MLLT10: variants seen among roughly 807,000 people sequenced by gnomAD.
MLLT10 encodes protein AF-10.
A neutral mutation model predicts 129.1 loss-of-function variants in MLLT10; 30 were observed. That is an observed-to-expected ratio of 0.23 (90% CI 0.17 to 0.32). The LOEUF (loss-of-function observed/expected upper bound fraction) is 0.32. Among genes scored for constraint, MLLT10 ranks in the 10% least tolerant of loss-of-function variants. The probability of loss-of-function intolerance (pLI) is 1.00; values close to 1 mark genes in which losing one functional copy is unlikely to be tolerated. For missense variants in MLLT10, 1,119 were observed against 1,268.3 expected (o/e 0.88, Z 1.79); for synonymous variants, 490 against 446.4 (o/e 1.10, Z -1.23).
rs545186217 is a variant in MLLT10, at chr10:21,594,607, GA to G, written c.296-721del. ...CTTCATCCTCACCACCGCTTTCTCTGAAATAGGCAAATGTTCCCTGGGCAAA... is the reference window on the plus strand; with the variant it reads ...CTTCATCCTCACCACCGCTTTCTCTGAATAGGCAAATGTTCCCTGGGCAAA... On this transcript the variant is annotated intron_variant, in intron 4 of 22. Transcript: ENST00000307729. 7.0e-5 allele frequency among the ~76,000 whole-genome samples: 9 copies of G among 129,358 alleles called. No individual in the cohort carries two copies. In the South Asian group the frequency reaches 1.5e-3, roughly 22 times the overall value. The allele number at this position is 129,358 out of a possible 152,430, so 84.9% of individuals were successfully genotyped here.
At chr10:21,572,872 A>G (rs1016123786) in intron 3 of MLLT10, among the ~76,000 whole-genome samples, 15 of 152,126 alleles carry the variant, frequency 9.9e-5, no homozygotes, top group Non-Finnish European at 1.8e-4. Context: ...CGGCCTTCCA[A>G]AGTGCTGGGA....
At chr10:21,538,443 G>A (rs1040553897) in intron 2 of MLLT10, among the ~76,000 whole-genome samples, 1 of 151,894 alleles carries the variant, frequency 6.6e-6, no homozygotes, top group Non-Finnish European at 1.5e-5. Flanking sequence ...GATTATAGGT[G>A]TGAGCCACTG....
chr10:21,713,866 G>T lies in MLLT10; in HGVS notation c.1794G>T (p.Gln598His), dbSNP rs1265066289. ...CTGTCTCCAGCTCTCACTTACCTCA[G>T]CAGTCTTCTGGGCATTTGCAACAAG... Reference protein sequence around the residue: ...STPVSSSHLPQQSSGHLQQVG... With the variant: ...STPVSSSHLPHQSSGHLQQVG... Residue 598 changes from glutamine (Q) to histidine (H), a missense_variant, in exon 14 of 23, where the codon CAG (glutamine) becomes CAT (histidine). Physicochemically the swap from Gln to His is conservative, Grantham distance 24 (BLOSUM62 0). This residue lies in a region of MLLT10 where 1,004 missense variants were observed against 1,008.7 expected (regional missense o/e 1.00). Coordinates refer to ENST00000307729, the MANE Select transcript of MLLT10 (RefSeq NM_001195626.3). The T allele has an allele frequency of 6.2e-7, 1 of 1,614,010 alleles. No individual in the cohort carries two copies. The highest frequency in any genetic ancestry group is 1.1e-5 in the South Asian group (1 of 91,064).
chr10:21,559,950 T>G (rs1044609776), intron 3 of MLLT10, among the ~76,000 whole-genome samples: 2 of 152,248 alleles, frequency 1.3e-5, no homozygotes, highest in East Asian at 1.9e-4. Context: ...CTTTTTTTTT[T>G]GGGTCGGGTG....
In MLLT10 at chr10:21,634,814, C is replaced by T. The variant is rs565000109; in HGVS notation, c.700-16859C>T. ...GTGTTACGTAATTCCTGTTATTATT[C>T]ATCTTAATGCTCAGATTGTCCCACA... is the stretch of plus-strand genomic sequence containing the variant. On this transcript the variant is annotated intron_variant, in intron 8 of 22. Transcript: ENST00000307729. Among the ~76,000 whole-genome samples, 9 of 152,312 alleles carry T rather than the reference C, an allele frequency of 5.9e-5. No homozygotes were observed. In the Middle Eastern group the frequency reaches 0.01, roughly 173 times the overall value.
At chr10:21,553,172 A>G (rs2037359383) in intron 3 of MLLT10, among the ~76,000 whole-genome samples, 2 of 152,148 alleles carry the variant, frequency 1.3e-5, no homozygotes, top group Non-Finnish European at 2.9e-5. Flanking sequence ...AGGGTTTTGC[A>G]TGGTTGATAA....
intron 11 of MLLT10, among the ~76,000 whole-genome samples, chr10:21,677,891 G>A (rs900142503): frequency 1.3e-5 from 2 of 152,200 alleles, no homozygotes; most frequent in African/African-American, 4.8e-5. Context: ...GCTAGGGGCT[G>A]TTTCTGACAT....
chr10:21,540,845 T>C (rs961181653), intron 3 of MLLT10, among the ~76,000 whole-genome samples: 1 of 152,200 alleles, frequency 6.6e-6, no homozygotes, highest in Non-Finnish European at 1.5e-5. Context: ...CTTTTGTGTT[T>C]GCCTGGGCAA....
At chr10:21,665,293 GT>G (rs1419621396) in intron 9 of MLLT10, among the ~76,000 whole-genome samples, 40 of 65,448 alleles carry the variant, frequency 6.1e-4, no homozygotes, top group African/African-American at 2.3e-3. Context: ...TTGTTTGTTT[GT>G]TTTTTTTGGG....
intron 8 of MLLT10, chr10:21,624,828 C>A: frequency 9.3e-7 from 1 of 1,072,404 alleles, no homozygotes; most frequent in Non-Finnish European, 1.4e-6. Flanking sequence ...ACCACGGCCA[C>A]GGCCTCTCTG....
intron 8 of MLLT10, among the ~76,000 whole-genome samples, chr10:21,618,786 G>T (rs1463569411): frequency 6.6e-6 from 1 of 151,904 alleles, no homozygotes; most frequent in African/African-American, 2.4e-5. Context: ...AGGCTAGAGT[G>T]CAGTGGCGTG....
intron 9 of MLLT10, among the ~76,000 whole-genome samples, chr10:21,653,716 G>C: frequency 6.6e-6 from 1 of 152,220 alleles, no homozygotes; most frequent in African/African-American, 2.4e-5. Flanking sequence ...GCCTACCACA[G>C]ATACGTTGGC....
In MLLT10 at chr10:21,730,925, C is replaced by G. The variant is rs201389659; in HGVS notation, c.2089C>G (p.Arg697Gly). Residue 697 changes from arginine (R) to glycine (G), a missense_variant, in exon 17 of 23, where the codon CGC becomes GGC. Physicochemically the swap from Arg to Gly is moderately radical, Grantham distance 125. Around this residue, in one of 5 missense-constraint regions of MLLT10, gnomAD observed 1,004 missense variants for 1,008.7 expected, o/e 1.00. Transcript: ENST00000307729. ...ATCCCCTGTAAGCAGCTTACAGATT[C>G]GCTATGATCAACCAGGCAACAGCAG... is the stretch of plus-strand genomic sequence containing the variant. ...PRSPVSSLQI[R>G]YDQPGNSSLE... 2 of 1,614,130 alleles carry G rather than the reference C, an allele frequency of 1.2e-6. No individual in the cohort carries two copies. The highest frequency in any genetic ancestry group is 1.7e-5 in the Admixed American group (1 of 60,022).
chr10:21,589,607 C>T (rs1050977846), intron 4 of MLLT10, among the ~76,000 whole-genome samples: 24 of 152,002 alleles, frequency 1.6e-4, no homozygotes, highest in Admixed American at 6.6e-5. Context: ...TTTCTGAATC[C>T]TCTGAAACTT....
intron 3 of MLLT10, among the ~76,000 whole-genome samples, chr10:21,545,055 G>T (rs1204920644): frequency 6.6e-6 from 1 of 152,200 alleles, no homozygotes; most frequent in African/African-American, 2.4e-5. Flanking sequence ...TGAGGCAGGA[G>T]AATTGCTTGA....
chr10:21,738,202 G>A (rs1020518565), intron 21 of MLLT10, among the ~76,000 whole-genome samples: 3 of 152,032 alleles, frequency 2.0e-5, no homozygotes, highest in African/African-American at 7.2e-5. Flanking sequence ...AGGAGGTGTA[G>A]GTTGCAGTGA....
chr10:21,650,426 A>G (rs990032729), intron 8 of MLLT10, among the ~76,000 whole-genome samples: 4 of 152,162 alleles, frequency 2.6e-5, no homozygotes, highest in African/African-American at 9.7e-5. Flanking sequence ...CAGCCTGAAA[A>G]TATCTTACGT....
rs568314732 is a variant in MLLT10, at chr10:21,548,064, C to G, written c.240+9152C>G. Among the ~76,000 whole-genome samples the G allele has an allele frequency of 3.9e-5, 6 of 151,968 alleles. No individual in the cohort carries two copies. In the South Asian group the frequency reaches 1.3e-3, roughly 32 times the overall value. ...TGTGTCTACGAATTTCATTATTTTG[C>G]TCTCTTGGAAGCTAGTTTGAATCCT... On this transcript the variant is annotated intron_variant, in intron 3 of 22. Transcript: ENST00000307729.
At chr10:21,568,140 G>A (rs2039804352) in intron 3 of MLLT10, among the ~76,000 whole-genome samples, 1 of 152,062 alleles carries the variant, frequency 6.6e-6, no homozygotes, top group African/African-American at 2.4e-5. Flanking sequence ...CTTTTATTTG[G>A]TCAGTGCCCA....
Sources: allele counts gnomAD v4.1 joint callset (sites outside exome capture counted in the v4.1 genomes callset), GRCh38; gene constraint gnomAD v4.1.1; regional missense constraint gnomAD v4.1.1; transcripts MANE v1.5; gene names NCBI Gene and HGNC (gene_info 2026-07-23, HGNC 2026-07-21).